Variants in ZFYVE9 observed in about 807,000 individuals in gnomAD.
The protein encoded by ZFYVE9 is zinc finger FYVE-type containing 9.
In ZFYVE9, 43 loss-of-function variants were observed where a neutral mutation model predicts 126.7. That is an observed-to-expected ratio of 0.34 (90% CI 0.27 to 0.44). The LOEUF is 0.44. Among genes scored for constraint, ZFYVE9 ranks in the 20% least tolerant of loss-of-function variants. The pLI, the probability that ZFYVE9 is intolerant of heterozygous loss-of-function variation, is 1.00. For synonymous variants in ZFYVE9, 521 were observed against 597.4 expected (o/e 0.87, Z 1.87); for missense variants, 1,476 against 1,697.0 (o/e 0.87, Z 2.29).
intron 16 of ZFYVE9, 121 bp from the exon 17 acceptor site, chr1:52,340,004 AG>A: frequency 2.7e-6 from 2 of 729,664 alleles, no homozygotes; most frequent in Non-Finnish European, 4.8e-6. Flanking sequence ...TGTGCTGCAC[AG>A]GTGTGTTCAG....
intron 13 of ZFYVE9, among the ~76,000 whole-genome samples, chr1:52,318,074 C>T (rs915925530): frequency 6.6e-6 from 1 of 151,580 alleles, no homozygotes; most frequent in African/African-American, 2.4e-5. Flanking sequence ...AATAACAAAA[C>T]CAAAAAAAGA....
chr1:52,319,760 A>T (rs1646220868), intron 13 of ZFYVE9, among the ~76,000 whole-genome samples: 2 of 152,054 alleles, frequency 1.3e-5, no homozygotes, highest in East Asian at 2.0e-4. Context: ...CAGGCCTGTA[A>T]TCCCAGCACT....
At position 52,233,257 on chromosome 1, in the gene ZFYVE9, T is replaced by G; in HGVS notation, c.51T>G (p.Asp17Glu). The change falls in exon 3 of 19, where the codon GAT becomes GAG. Residue 17 changes from aspartate (D) to glutamate (E), a missense_variant. Transcript: ENST00000287727. ...CTTACAACCTGGACAAGGTGTTAGA[T>G]GAATTTGAACAAAACGAAGGTGAGA... The part of the protein sequence containing the change: ...AEAYNLDKVL[D>E]EFEQNEDETV... The G allele has an allele frequency of 6.3e-7, 1 of 1,583,142 alleles. No individual in the cohort carries two copies. The highest frequency in any genetic ancestry group is 8.6e-7 in the Non-Finnish European group (1 of 1,161,796).
intron 2 of ZFYVE9, among the ~76,000 whole-genome samples, chr1:52,232,751 AAAAG>A (rs1645235643): frequency 1.3e-5 from 2 of 151,134 alleles, no homozygotes; most frequent in African/African-American, 2.4e-5. Context: ...AAAAAAAAAA[AAAAG>A]GAATAACCAG....
intron 17 of ZFYVE9, among the ~76,000 whole-genome samples, chr1:52,341,742 T>G (rs1461990862): frequency 6.6e-6 from 1 of 152,206 alleles, no homozygotes; most frequent in Non-Finnish European, 1.5e-5. Context: ...TAGTTCCTGA[T>G]AGCAGAGATG....
At chr1:52,305,815 A>G (rs2147844433) in intron 13 of ZFYVE9, among the ~76,000 whole-genome samples, 1 of 152,216 alleles carries the variant, frequency 6.6e-6, no homozygotes, top group East Asian at 1.9e-4. Flanking sequence ...GCCTGCTCCT[A>G]CTGCCTGGCT....
At chr1:52,337,201 G>T (rs573696523) in intron 15 of ZFYVE9, among the ~76,000 whole-genome samples, 1 of 152,294 alleles carries the variant, frequency 6.6e-6, no homozygotes, top group South Asian at 2.1e-4. Flanking sequence ...GTCAATTTCA[G>T]TGTTTGCCTT....
intron 1 of ZFYVE9, chr1:52,180,292 C>T: frequency 6.3e-7 from 1 of 1,594,478 alleles, no homozygotes; most frequent in Non-Finnish European, 8.6e-7. Flanking sequence ...ATTTCAACAA[C>T]CTGCATACCC....
At chr1:52,278,679 C>A in intron 9 of ZFYVE9, 65 bp downstream of exon 9, 23 of 1,032,934 alleles carry the variant, frequency 2.2e-5, no homozygotes, top group South Asian at 3.6e-5. Flanking sequence ...ATAAAACTTT[C>A]AGATTTATTA....
chr1:52,271,827 ATTTAT>A (rs1225480841), intron 7 of ZFYVE9, among the ~76,000 whole-genome samples: 2 of 152,020 alleles, frequency 1.3e-5, no homozygotes, highest in African/African-American at 4.8e-5. Context: ...ACATGGGCAT[ATTTAT>A]TTTATTTTAT....
At chr1:52,206,637 A>G (rs1360952390) in intron 1 of ZFYVE9, among the ~76,000 whole-genome samples, 1 of 151,688 alleles carries the variant, frequency 6.6e-6, no homozygotes, top group African/African-American at 2.4e-5. Context: ...TGCAACCTCC[A>G]CCTCCCAGGT....
At chr1:52,340,001 C>A in intron 16 of ZFYVE9, 125 bp from the exon 17 acceptor site, 1 of 723,260 alleles carries the variant, frequency 1.4e-6, no homozygotes, top group South Asian at 1.6e-5. Flanking sequence ...TGATGTGCTG[C>A]ACAGGTGTGT....
rs1446614373 is a variant in ZFYVE9 at position 52,177,944 on chromosome 1, G to GT, written c.-143+35555dup. On this transcript the variant is annotated intron_variant, in intron 1 of 18. Transcript: ENST00000287727. ...TTCATATACTATGAAAAGTAGTTTTGTTTTTTTTTTTTTTAGCAGGGCATG... is the reference window on the plus strand; with the variant it reads ...TTCATATACTATGAAAAGTAGTTTTGTTTTTTTTTTTTTTTAGCAGGGCATG... Among the ~76,000 whole-genome samples, 984 of 148,070 alleles carry GT rather than the reference G, an allele frequency of 6.6e-3. 6 individuals carry two copies. Among genetic ancestry groups the GT allele is most frequent in the African/African-American group, 0.019 (747 of 39,806 alleles).
intron 1 of ZFYVE9, among the ~76,000 whole-genome samples, chr1:52,186,526 A>G (rs192563370): frequency 1.3e-4 from 20 of 152,294 alleles, no homozygotes; most frequent in Non-Finnish European, 1.5e-4. Context: ...AAGTAAAACT[A>G]TCATCCATGT....
chr1:52,311,660 A>T (rs772483965), intron 13 of ZFYVE9, among the ~76,000 whole-genome samples: 2 of 152,210 alleles, frequency 1.3e-5, no homozygotes, highest in Non-Finnish European at 2.9e-5. Context: ...GTGACATTTC[A>T]ATCACGTGTC....
At chr1:52,183,397 C>G (rs1423470745) in intron 1 of ZFYVE9, among the ~76,000 whole-genome samples, 1 of 152,170 alleles carries the variant, frequency 6.6e-6, no homozygotes, top group Admixed American at 6.5e-5. Context: ...TCATAGGAAA[C>G]TAAGAGATTT....
chr1:52,311,729 ATTG>A (rs910795908), intron 13 of ZFYVE9, among the ~76,000 whole-genome samples: 37 of 152,128 alleles, frequency 2.4e-4, no homozygotes, highest in African/African-American at 8.0e-4. Context: ...ATTGTATGCT[ATTG>A]TTGTTGTGTT....
Position 52,276,068 on chromosome 1 carries a change from C to T in ZFYVE9, c.2746+1484C>T, listed in dbSNP as rs902565311. ...GACTACAGGTGCATGCCACCATGCC[C>T]GGCTAATTGTTGTATTTTTAGTAGA... is the stretch of plus-strand genomic sequence containing the variant. On this transcript the variant is annotated intron_variant, in intron 8 of 18. Coordinates refer to ENST00000287727, the MANE Select transcript of ZFYVE9 (RefSeq NM_004799.4). Among the ~76,000 whole-genome samples, 7 of 151,818 alleles carry T rather than the reference C, an allele frequency of 4.6e-5. No individual in the cohort carries two copies. In the East Asian group the frequency reaches 7.7e-4, roughly 17 times the overall value.
chr1:52,160,577 C>T, intron 1 of ZFYVE9: 1 of 738,256 alleles, frequency 1.4e-6, no homozygotes, highest in Non-Finnish European at 2.5e-6. Flanking sequence ...CTTCACATTA[C>T]CAATACATTC....
Sources: allele counts gnomAD v4.1 joint callset (sites outside exome capture counted in the v4.1 genomes callset), GRCh38; gene constraint gnomAD v4.1.1; transcripts MANE v1.5; gene names NCBI Gene and HGNC (gene_info 2026-07-23, HGNC 2026-07-21).